Variants in MAST1 observed in about 807,000 individuals in gnomAD.
MAST1 encodes microtubule-associated serine/threonine-protein kinase 1.
MAST1 carries 40 observed loss-of-function variants against 124.6 expected under a neutral mutation model. That is an observed-to-expected ratio of 0.32 (90% CI 0.25 to 0.42). The LOEUF is 0.42. Among genes scored for constraint, MAST1 ranks in the 10% least tolerant of loss-of-function variants. The pLI, the probability that MAST1 is intolerant of heterozygous loss-of-function variation, is 1.00. For synonymous variants in MAST1, 938 were observed against 939.4 expected (o/e 1.00, Z 0.03); for missense variants, 1,558 against 2,181.9 (o/e 0.71, Z 5.70).
At chr19:12,849,930 T>G (rs2145893052) in intron 7 of MAST1, among the ~76,000 whole-genome samples, 1 of 152,112 alleles carries the variant, frequency 6.6e-6, no homozygotes, top group East Asian at 2.0e-4. Flanking sequence ...CCCGAGTAGC[T>G]GGGATCACAG....
chr19:12,874,088 G>C lies in MAST1; in HGVS notation c.3931G>C (p.Asp1311His). 1 of 1,568,350 alleles carries C rather than the reference G, an allele frequency of 6.4e-7. No individual in the cohort carries two copies. The highest frequency in any genetic ancestry group is 8.6e-7 in the Non-Finnish European group (1 of 1,160,066). Residue 1311 changes from aspartate to histidine, a missense_variant, in exon 26 of 26, where the codon GAC (aspartate) becomes CAC (histidine). Asp to His is a moderately conservative substitution (Grantham distance 81). This residue lies in a region of MAST1 where 263 missense variants were observed against 310.9 expected (regional missense o/e 0.85). Transcript: ENST00000251472. This position sits in a 1 kb window ranked among gnomAD's most constrained non-coding sequence, Gnocchi z 6.6. The stretch of plus-strand genomic sequence containing the variant: ...GGCGCTGCATAGCCTTGCCGAGTCC[G>C]ACGGTGAGACGCCCCCAGTCGAGGG... ...ELALHSLAESDGETPPVEGLG... is the reference protein window; with the variant it reads ...ELALHSLAESHGETPPVEGLG...
rs190868525 is a variant in MAST1 at position 12,845,725 on chromosome 19, C to T, written c.328-1565C>T. Among the ~76,000 whole-genome samples, 143 of 150,664 alleles carry T rather than the reference C, an allele frequency of 9.5e-4. 4 individuals carry two copies. The East Asian group carries it at 0.021, about 22-fold the overall frequency. On this transcript the variant is annotated intron_variant, in intron 4 of 25. Coordinates refer to ENST00000251472, the MANE Select transcript of MAST1 (RefSeq NM_014975.3). Reference sequence around the variant, plus strand: ...GGCCTGGAGTGCAATGGCACCGTGCCGGCTCACTGCAACCTCCATCTCCTG... The same window carrying T: ...GGCCTGGAGTGCAATGGCACCGTGCTGGCTCACTGCAACCTCCATCTCCTG...
chr19:12,858,210 T>C (rs190571594), intron 10 of MAST1, 152 bp from the exon 11 acceptor site: 1 of 695,210 alleles, frequency 1.4e-6, no homozygotes, highest in Non-Finnish European at 2.5e-6. Flanking sequence ...GAGTCAGTCT[T>C]GGGTTCAAGT....
intron 10 of MAST1, among the ~76,000 whole-genome samples, chr19:12,856,524 G>A (rs979515190): frequency 4.6e-5 from 7 of 152,118 alleles, no homozygotes; most frequent in Admixed American, 2.6e-4. Context: ...GGCTGGTCTC[G>A]AACTCCTGAC....
intron 4 of MAST1, among the ~76,000 whole-genome samples, chr19:12,845,679 G>A (rs1181952270): frequency 3.7e-5 from 5 of 133,740 alleles, no homozygotes; most frequent in Non-Finnish European, 7.8e-5. Context: ...TTTTTGAGAT[G>A]GAGTCTCACT....
Position 12,874,735 on chromosome 19 carries a change from A to G in MAST1, c.4578A>G (p.Pro1526=). ...KCSAPSSAVT[P]VPPASLLGSG... ...GTGCACCCAGCAGTGCAGTGACCCC[A>G]GTCCCACCCGCATCCCTCTTGGGCT... Residue 1526 remains proline, a synonymous_variant, in exon 26 of 26, where the codon CCA becomes CCG. Transcript: ENST00000251472. The surrounding 1 kb of genome is among the most constrained non-coding windows in gnomAD (Gnocchi z 6.6). 1 of 1,601,024 alleles carries G rather than the reference A, an allele frequency of 6.2e-7. No homozygotes were observed. Among genetic ancestry groups the G allele is most frequent in the Non-Finnish European group, 8.5e-7 (1 of 1,170,238 alleles).
rs757511877 is a variant in MAST1, at chr19:12,864,847, C to T, written c.1405C>T (p.Leu469=). ...CACCCTGCTGAAGAATATTGGAGCG[C>T]TGCCCGTAGAGATGGCCCGCATGTA... ...CATLLKNIGA[L]PVEMARMYFA... Residue 469 remains leucine (L), a synonymous_variant, in exon 13 of 26, where the codon CTG becomes TTG. Coordinates refer to ENST00000251472, the MANE Select transcript of MAST1 (RefSeq NM_014975.3). 1.5e-5 allele frequency: 24 copies of T among 1,613,948 alleles called. No homozygotes were observed. The highest frequency in any genetic ancestry group is 2.7e-5 in the African/African-American group (2 of 74,922).
rs202159363 is a variant in MAST1, at chr19:12,867,742, C to T, written c.2331C>T (p.Ser777=). 6 of 1,532,436 alleles carry T rather than the reference C, an allele frequency of 3.9e-6. No individual in the cohort carries two copies. The South Asian group carries it at 7.3e-5, about 19-fold the overall frequency. The allele number at this position is 1,532,436 out of a possible 1,614,324, so 94.9% of individuals were successfully genotyped here. A position where few individuals can be genotyped will look rare whatever the true frequency, so the allele number is the denominator to read the frequency against. The change falls in exon 20 of 26, where the codon TCC becomes TCT. Residue 777 remains serine, a synonymous_variant. Transcript: ENST00000251472. The part of the protein sequence containing the change: ...RGGSPEIKRF[S]ASEASFLEGE... ...CCCCTCCATGCAGCAAGCGATTCTCCGCGTCCGAGGCCAGTTTCCTGGAGG... is the reference window on the plus strand; with the variant it reads ...CCCCTCCATGCAGCAAGCGATTCTCTGCGTCCGAGGCCAGTTTCCTGGAGG...
In MAST1 at chr19:12,865,919, G is replaced by T. The variant is rs539968930; in HGVS notation, c.1907-61G>T. 1.9e-6 allele frequency: 3 copies of T among 1,610,800 alleles called. No homozygotes were observed. The highest frequency in any genetic ancestry group is 2.2e-5 in the South Asian group (2 of 90,920). On this transcript the variant is annotated intron_variant, in intron 16 of 25. Coordinates refer to ENST00000251472, the MANE Select transcript of MAST1 (RefSeq NM_014975.3). This position sits in a 1 kb window ranked among gnomAD's most constrained non-coding sequence, Gnocchi z 7.1. Reference sequence around the variant, plus strand: ...CTGTGGCCCCGGGGCGGAAGACATGGGGGGCGGGGCTGGGCTGCTGGGTTG... The same window carrying T: ...CTGTGGCCCCGGGGCGGAAGACATGTGGGGCGGGGCTGGGCTGCTGGGTTG...
rs375748740 is a variant in MAST1 at position 12,867,986 on chromosome 19, C to T, written c.2566+9C>T. 27 of 1,526,524 alleles carry T rather than the reference C, an allele frequency of 1.8e-5. No homozygotes were observed. The highest frequency in any genetic ancestry group is 2.3e-5 in the Non-Finnish European group (26 of 1,138,342). The allele number at this position is 1,526,524 out of a possible 1,614,324, so 94.6% of individuals were successfully genotyped here. A position where few individuals can be genotyped will look rare whatever the true frequency, so the allele number is the denominator to read the frequency against. ...CGGGGACTCCGAGGCCAGTGAGTGCCCTATCGTGCTGCCTTCCCCAATCTT... is the reference window on the plus strand; with the variant it reads ...CGGGGACTCCGAGGCCAGTGAGTGCTCTATCGTGCTGCCTTCCCCAATCTT... On this transcript the variant is annotated intron_variant, in intron 20 of 25. Coordinates refer to ENST00000251472, the MANE Select transcript of MAST1 (RefSeq NM_014975.3).
At position 12,858,577 on chromosome 19, in the gene MAST1, A is replaced by G. The variant is rs781768867; in HGVS notation, c.1204A>G (p.Met402Val). The change falls in exon 12 of 26, where the codon ATG becomes GTG. Residue 402 changes from methionine (M) to valine (V), a missense_variant. Physicochemically the swap from Met to Val is conservative, Grantham distance 21 (BLOSUM62 1). This residue lies in a region of MAST1 where 136 missense variants were observed against 160.9 expected (regional missense o/e 0.85). Coordinates refer to ENST00000251472, the MANE Select transcript of MAST1 (RefSeq NM_014975.3). ...RHRDTRQRFA[M>V]KKINKQNLIL... The stretch of plus-strand genomic sequence containing the variant: ...CCGCGACACGCGGCAGCGCTTTGCC[A>G]TGAAAAAGATCAACAAGCAGAACTT... 3.1e-6 allele frequency: 5 copies of G among 1,614,244 alleles called. No individual in the cohort carries two copies. Among genetic ancestry groups the G allele is most frequent in the South Asian group, 1.1e-5 (1 of 91,090 alleles).
chr19:12,874,759 C>T lies in MAST1; in HGVS notation c.4602C>T (p.Gly1534=). The T allele has an allele frequency of 1.2e-6, 2 of 1,605,224 alleles. No individual in the cohort carries two copies. Among genetic ancestry groups the T allele is most frequent in the Non-Finnish European group, 1.7e-6 (2 of 1,173,470 alleles). Residue 1534 remains glycine (G), a synonymous_variant, in exon 26 of 26, where the codon GGC becomes GGT. Transcript: ENST00000251472. This position sits in a 1 kb window ranked among gnomAD's most constrained non-coding sequence, Gnocchi z 6.6. ...VTPVPPASLL[G]SGTKPQVGLT... ...CAGTCCCACCCGCATCCCTCTTGGG[C>T]TCAGGCACCAAGCCTCAAGTGGGGC...
intron 3 of MAST1, among the ~76,000 whole-genome samples, chr19:12,842,616 G>C (rs952984048): frequency 6.6e-6 from 1 of 152,142 alleles, no homozygotes; most frequent in Non-Finnish European, 1.5e-5. Context: ...ACAGCCACAC[G>C]CTTACACATG....
chr19:12,861,991 G>C (rs939723600), intron 12 of MAST1, among the ~76,000 whole-genome samples: 2 of 143,462 alleles, frequency 1.4e-5, no homozygotes, highest in African/African-American at 5.2e-5. Context: ...GTGAGCCACC[G>C]TGCCTGCCTT....
chr19:12,860,127 T>C (rs1036511011), intron 12 of MAST1, among the ~76,000 whole-genome samples: 28 of 152,136 alleles, frequency 1.8e-4, no homozygotes, highest in Admixed American at 4.6e-4. Context: ...TTTCTTTTTT[T>C]TGGGGGGGAC....
In MAST1 at chr19:12,847,382, C is replaced by G. The variant is rs145863997; in HGVS notation, c.420C>G (p.Thr140=). 6.2e-6 allele frequency: 10 copies of G among 1,613,858 alleles called. No homozygotes were observed. The highest frequency in any genetic ancestry group is 7.6e-6 in the Non-Finnish European group (9 of 1,180,020). ...LHFLSKHFGS[T]ESITDEDGGR... is the part of the protein sequence containing the mutation. ...TCCTCTCCAAACACTTCGGGAGCACCGAGAGCATCACAGACGAGGATGGTG... is the reference window on the plus strand; with the variant it reads ...TCCTCTCCAAACACTTCGGGAGCACGGAGAGCATCACAGACGAGGATGGTG... The change falls in exon 5 of 26, where the codon ACC becomes ACG. Residue 140 remains threonine, a synonymous_variant. Transcript: ENST00000251472. The surrounding 1 kb of genome is among the most constrained non-coding windows in gnomAD (Gnocchi z 5.5).
chr19:12,839,700 G>A (rs1360901124), intron 1 of MAST1, among the ~76,000 whole-genome samples: 3 of 152,048 alleles, frequency 2.0e-5, no homozygotes, highest in African/African-American at 7.3e-5. Context: ...GGACAGTATC[G>A]GACACAGACT....
At position 12,869,293 on chromosome 19, in the gene MAST1, T is replaced by C; in HGVS notation, c.3001T>C (p.Trp1001Arg). 6.2e-7 allele frequency: 1 copy of C among 1,612,518 alleles called. No individual in the cohort carries two copies. The highest frequency in any genetic ancestry group is 8.5e-7 in the Non-Finnish European group (1 of 1,179,080). Residue 1001 changes from tryptophan (W) to arginine (R), a missense_variant and splice_region_variant, in exon 22 of 26, where the codon TGG becomes CGG. Coordinates refer to ENST00000251472, the MANE Select transcript of MAST1 (RefSeq NM_014975.3). ...TDVYSVHHIV[W>R]HVEEGGPAQE... Reference sequence around the variant, plus strand: ...TGTCTATAGTGTCCACCACATTGTCTGGGTGAGTACTCATGGGTGGAGTCT... The same window carrying C: ...TGTCTATAGTGTCCACCACATTGTCCGGGTGAGTACTCATGGGTGGAGTCT...
Position 12,852,198 on chromosome 19 carries a change from C to T in MAST1, c.960C>T (p.Ile320=). The T allele has an allele frequency of 6.2e-7, 1 of 1,614,078 alleles. No homozygotes were observed. The highest frequency in any genetic ancestry group is 8.5e-7 in the Non-Finnish European group (1 of 1,180,016). ...AGGGCCACCTTGTGAAGACGGACAT[C>T]CCCCGCTACATCATCCGCCAGCTGG... The part of the protein sequence containing the change: ...AKEGHLVKTD[I]PRYIIRQLGL... The change falls in exon 9 of 26, where the codon ATC becomes ATT. Residue 320 remains isoleucine (I), a synonymous_variant. Coordinates refer to ENST00000251472, the MANE Select transcript of MAST1 (RefSeq NM_014975.3).
Sources: gnomAD v4.1 joint callset for allele counts (sites outside exome capture counted in the v4.1 genomes callset) on GRCh38, gnomAD v4.1.1 for gene constraint, gnomAD v4.1.1 regional missense constraint, Gnocchi (gnomAD v3.1) non-coding constraint, MANE v1.5 for transcripts, NCBI Gene and HGNC (gene_info 2026-07-23, HGNC 2026-07-21) for gene names.